TG: variants seen among roughly 807,000 people sequenced by gnomAD.
TG encodes the protein thyroglobulin.
Under a neutral mutation model 324.7 loss-of-function variants are expected in TG, and 270 were observed. The ratio of observed to expected loss-of-function variants is 0.83; its 90% confidence interval spans 0.75 to 0.92. The LOEUF (loss-of-function observed/expected upper bound fraction) is 0.92. TG is among the 40% of genes least tolerant of loss of function. TG has a pLI of 0.00. For synonymous variants in TG, 1,401 were observed against 1,327.0 expected, an observed-to-expected ratio of 1.06 and a Z score of -1.21; for missense variants, 3,591 against 3,456.4, an observed-to-expected ratio of 1.04 and a Z score of -0.98.
chr8:132,893,693 C>G lies in TG; in HGVS notation c.2765C>G (p.Pro922Arg), dbSNP rs776936031. Residue 922 changes from proline (P) to arginine (R), a missense_variant, in exon 11 of 48, where the codon CCT becomes CGT. Pro to Arg is a moderately radical substitution (Grantham distance 103). Coordinates refer to ENST00000220616, the MANE Select transcript of TG (RefSeq NM_003235.5). ...RSEPSKLPTC[P>R]GSCEEAKLRV... ...TGTGTTATTTTTATTCCCCTAGGTCCTGGCTCCTGTGAGGAAGCAAAGCTC... is the reference window on the plus strand; with the variant it reads ...TGTGTTATTTTTATTCCCCTAGGTCGTGGCTCCTGTGAGGAAGCAAAGCTC... 2.5e-6 allele frequency: 4 copies of G among 1,613,712 alleles called. No individual in the cohort carries two copies. The South Asian group carries it at 4.4e-5, about 18-fold the overall frequency.
chr8:133,059,072 C>T (rs751037813), intron 41 of TG: 10 of 456,352 alleles, frequency 2.2e-5, no homozygotes, highest in Admixed American at 7.0e-5. Context: ...CTGGAGGCAG[C>T]GCAGGAACCT....
At chr8:133,028,577 T>C (rs1836321000) in intron 40 of TG, among the ~76,000 whole-genome samples, 1 of 152,202 alleles carries the variant, frequency 6.6e-6, no homozygotes, top group South Asian at 2.1e-4. Flanking sequence ...CTGTTCCCTT[T>C]ACAAATATTA....
In TG at chr8:132,911,469, T is replaced by C. The variant is rs1421060376; in HGVS notation, c.4095T>C (p.Asn1365=). The C allele has an allele frequency of 7.4e-6, 12 of 1,614,070 alleles. No homozygotes were observed. The highest frequency in any genetic ancestry group is 1.0e-5 in the Non-Finnish European group (12 of 1,180,038). The part of the protein sequence containing the change: ...GCLTRERLGV[N]VTWKSRLEDI... ...TGACCAGGGAGCGTTTAGGAGTGAATGTTACATGGAAATCACGGCTTGAGG... is the reference window on the plus strand; with the variant it reads ...TGACCAGGGAGCGTTTAGGAGTGAACGTTACATGGAAATCACGGCTTGAGG... Residue 1365 remains asparagine, a synonymous_variant, in exon 19 of 48, where the codon AAT becomes AAC. Coordinates refer to ENST00000220616, the MANE Select transcript of TG (RefSeq NM_003235.5).
At chr8:133,115,262 G>C (rs1031896486) in intron 44 of TG, among the ~76,000 whole-genome samples, 3 of 152,200 alleles carry the variant, frequency 2.0e-5, no homozygotes, top group African/African-American at 7.2e-5. Flanking sequence ...CTCAACCTTA[G>C]CTCAGGCCTT....
rs898190096 is a variant in TG, at chr8:133,103,423, G to A, written c.7572+7050G>A. ...CTCACAGCTGACGCTTACACGTCACGTTGTCTAATTCTCCCCAGGGGCCCT... is the reference window on the plus strand; with the variant it reads ...CTCACAGCTGACGCTTACACGTCACATTGTCTAATTCTCCCCAGGGGCCCT... On this transcript the variant is annotated intron_variant, in intron 43 of 47. Transcript: ENST00000220616. Among the ~76,000 whole-genome samples the A allele has an allele frequency of 4.6e-5, 7 of 152,030 alleles. No homozygotes were observed. The East Asian group carries it at 5.8e-4, about 13-fold the overall frequency.
intron 34 of TG, among the ~76,000 whole-genome samples, chr8:132,979,326 C>A (rs138143230): frequency 6.9e-4 from 105 of 152,320 alleles, no homozygotes; most frequent in African/African-American, 2.4e-3. Context: ...TTTACAAAGT[C>A]AAATGTGACT....
chr8:133,128,326 AC>A (rs570037558), intron 45 of TG, among the ~76,000 whole-genome samples: 1 of 129,484 alleles, frequency 7.7e-6, no homozygotes, highest in African/African-American at 3.1e-5. Context: ...TGAAACTGAA[AC>A]AAAAGGCGTG....
intron 32 of TG, among the ~76,000 whole-genome samples, chr8:132,970,703 T>A (rs932273537): frequency 4.6e-5 from 7 of 152,130 alleles, no homozygotes; most frequent in African/African-American, 1.4e-4. Flanking sequence ...GAACCAGGGA[T>A]CAGCCTGACC....
chr8:132,921,662 A>G (rs1163963105), intron 21 of TG, among the ~76,000 whole-genome samples: 1 of 152,204 alleles, frequency 6.6e-6, no homozygotes, highest in African/African-American at 2.4e-5. Flanking sequence ...GGTCTCTATT[A>G]TTGATCTTGC....
chr8:133,035,362 T>C (rs1837004228), intron 41 of TG, among the ~76,000 whole-genome samples: 1 of 152,230 alleles, frequency 6.6e-6, no homozygotes, highest in Non-Finnish European at 1.5e-5. Context: ...TTTTATTGCT[T>C]TATTATCATA....
chr8:133,008,148 A>G (rs1587747142), intron 35 of TG, among the ~76,000 whole-genome samples: 2 of 152,250 alleles, frequency 1.3e-5, no homozygotes, highest in East Asian at 3.8e-4. Flanking sequence ...TTTCTCTCAA[A>G]TTAATGTTTA....
intron 43 of TG, among the ~76,000 whole-genome samples, chr8:133,107,645 C>A (rs759317850): frequency 5.3e-5 from 8 of 152,202 alleles, no homozygotes; most frequent in Non-Finnish European, 1.2e-4. Flanking sequence ...CCCAGTGGGG[C>A]TTGGGAATTT....
chr8:133,046,007 C>T (rs890662041), intron 41 of TG, among the ~76,000 whole-genome samples: 5 of 152,086 alleles, frequency 3.3e-5, no homozygotes, highest in Admixed American at 2.0e-4. Flanking sequence ...TCTGGGTATC[C>T]GTAAGAACCA....
intron 41 of TG, among the ~76,000 whole-genome samples, chr8:133,042,583 G>C (rs1218295030): frequency 6.9e-6 from 1 of 143,940 alleles, no homozygotes; most frequent in Non-Finnish European, 1.5e-5. Flanking sequence ...AAGATGCCAA[G>C]TAATTTGCCT....
chr8:132,906,263 G>A (rs1818662415), intron 16 of TG, among the ~76,000 whole-genome samples: 2 of 152,158 alleles, frequency 1.3e-5, no homozygotes, highest in South Asian at 4.1e-4. Context: ...AGGCCACCAG[G>A]TGGCTGGCTT....
At chr8:132,919,349 T>A (rs1211124734) in intron 20 of TG, 27 bp from the exon 21 acceptor site, 9 of 1,611,368 alleles carry the variant, frequency 5.6e-6, no homozygotes, top group African/African-American at 1.3e-5. Flanking sequence ...TCTTGATTTT[T>A]AACATCATTT....
Position 132,967,978 on chromosome 8 carries a change from C to A in TG, c.5863+8C>A. 3.1e-6 allele frequency: 5 copies of A among 1,613,048 alleles called. No individual in the cohort carries two copies. The South Asian group carries it at 5.5e-5, about 18-fold the overall frequency. ...CCCTGTTCCGGAAGAAAGGTGAGCACTTGGAGAGATCTGCATAAACTGTAT... is the reference window on the plus strand; with the variant it reads ...CCCTGTTCCGGAAGAAAGGTGAGCAATTGGAGAGATCTGCATAAACTGTAT... On this transcript the variant is annotated splice_region_variant and intron_variant, in intron 31 of 47. Transcript: ENST00000220616.
chr8:132,888,406 C>T lies in TG; in HGVS notation c.2599C>T (p.Leu867Phe), dbSNP rs1286008994. The change falls in exon 10 of 48, where the codon CTC (leucine) becomes TTC (phenylalanine). Residue 867 changes from leucine (L) to phenylalanine (F), a missense_variant. Transcript: ENST00000220616. ...PRENILLEPY[L>F]FWQILNGQLS... ...GGAGAATATCCTCCTGGAGCCCTAC[C>T]TCTTCTGGCAGATCTTAAATGGCCA... The T allele has an allele frequency of 1.2e-6, 2 of 1,613,790 alleles. No homozygotes were observed. The highest frequency in any genetic ancestry group is 1.7e-6 in the Non-Finnish European group (2 of 1,179,818).
chr8:133,042,050 G>C (rs573948637), intron 41 of TG, among the ~76,000 whole-genome samples: 1 of 151,882 alleles, frequency 6.6e-6, no homozygotes, highest in African/African-American at 2.4e-5. Context: ...GCCTCCCAAA[G>C]TGCTGGGATT....
Sources: allele counts gnomAD v4.1 joint callset (sites outside exome capture counted in the v4.1 genomes callset), GRCh38; gene constraint gnomAD v4.1.1; transcripts MANE v1.5; gene names NCBI Gene and HGNC (gene_info 2026-07-23, HGNC 2026-07-21).